Variants in FHIP1A observed in about 807,000 individuals in gnomAD.
FHIP1A encodes the protein FHF complex subunit HOOK interacting protein 1A.
A neutral mutation model predicts 88.6 loss-of-function variants in FHIP1A; 61 were observed. The ratio of observed to expected loss-of-function variants is 0.69; its 90% CI spans 0.56 to 0.85. The LOEUF (loss-of-function observed/expected upper bound fraction) is 0.85. Among genes scored for constraint, FHIP1A ranks in the 40% least tolerant of loss-of-function variants. The probability of loss-of-function intolerance (pLI) is 0.00; values close to 1 mark genes in which losing one functional copy is unlikely to be tolerated. For synonymous variants in FHIP1A, 478 were observed against 496.0 expected, an observed-to-expected ratio of 0.96 and a Z score of 0.48; for missense variants, 1,154 against 1,273.5, an observed-to-expected ratio of 0.91 and a Z score of 1.43.
At chr4:151,441,675 G>T (rs1247602982) in intron 1 of FHIP1A, among the ~76,000 whole-genome samples, 2 of 152,216 alleles carry the variant, frequency 1.3e-5, no homozygotes, top group South Asian at 2.1e-4. Flanking sequence ...TTTGATTCTG[G>T]TTATCCAGCC....
rs1737532279 is a variant in FHIP1A, at chr4:151,663,024, T to G, written c.*270T>G. On this transcript the variant is annotated 3_prime_UTR_variant, in exon 14 of 14. Transcript: ENST00000435205. ...TTTTTCCTCCTTATATTTTTTTGGTTGTCATTCTCCTATCCCTTTGAGTTA... is the reference window on the plus strand; with the variant it reads ...TTTTTCCTCCTTATATTTTTTTGGTGGTCATTCTCCTATCCCTTTGAGTTA... 6.1e-6 allele frequency: 2 copies of G among 325,796 alleles called. No homozygotes were observed. The highest frequency in any genetic ancestry group is 4.3e-5 in the African/African-American group (2 of 46,464). The allele number at this position is 325,796 out of a possible 1,614,324, so 20.2% of individuals were successfully genotyped here.
At chr4:151,547,672 T>C (rs1014514838) in intron 3 of FHIP1A, among the ~76,000 whole-genome samples, 1 of 152,098 alleles carries the variant, frequency 6.6e-6, no homozygotes, top group Non-Finnish European at 1.5e-5. Flanking sequence ...CCAGCACTTT[T>C]GGAGGCCAAG....
chr4:151,427,125 A>AT (rs533600008), intron 1 of FHIP1A, among the ~76,000 whole-genome samples: 5 of 151,450 alleles, frequency 3.3e-5, no homozygotes, highest in Non-Finnish European at 5.9e-5. Flanking sequence ...TACCTTAATG[A>AT]TTTTTTTTTA....
chr4:151,540,029 G>A (rs774038599), intron 3 of FHIP1A, among the ~76,000 whole-genome samples: 2 of 152,154 alleles, frequency 1.3e-5, no homozygotes, highest in Non-Finnish European at 2.9e-5. Context: ...GGGAAGTTAG[G>A]TTTATGCAAG....
intron 7 of FHIP1A, among the ~76,000 whole-genome samples, chr4:151,590,897 T>C (rs1353021019): frequency 6.6e-6 from 1 of 152,198 alleles, no homozygotes; most frequent in Non-Finnish European, 1.5e-5. Context: ...AAAGAGTCAA[T>C]GCTGAATATG....
intron 1 of FHIP1A, among the ~76,000 whole-genome samples, chr4:151,441,462 T>C (rs1561496030): frequency 2.0e-5 from 3 of 152,170 alleles, no homozygotes; most frequent in African/African-American, 4.8e-5. Context: ...TGTGTGTGTG[T>C]ATACATATGT....
At chr4:151,624,213 A>T (rs960560842) in intron 7 of FHIP1A, among the ~76,000 whole-genome samples, 1 of 152,236 alleles carries the variant, frequency 6.6e-6, no homozygotes, top group African/African-American at 2.4e-5. Context: ...CAAATCCCAG[A>T]TACTAAAGTT....
chr4:151,488,047 C>T (rs895036225), intron 3 of FHIP1A, among the ~76,000 whole-genome samples: 3 of 152,170 alleles, frequency 2.0e-5, no homozygotes, highest in African/African-American at 7.2e-5. Context: ...TGGTCCAGAC[C>T]TTCATCATCT....
intron 5 of FHIP1A, among the ~76,000 whole-genome samples, chr4:151,582,089 A>T (rs557092694): frequency 3.9e-5 from 6 of 152,188 alleles, no homozygotes; most frequent in Non-Finnish European, 8.8e-5. Flanking sequence ...AACAGTGTGT[A>T]CATAAATCAA....
At chr4:151,555,707 A>G (rs939997806) in intron 3 of FHIP1A, among the ~76,000 whole-genome samples, 2 of 152,164 alleles carry the variant, frequency 1.3e-5, no homozygotes, top group African/African-American at 4.8e-5. Flanking sequence ...TGTTGTAGGT[A>G]GTTTAACCCA....
chr4:151,527,881 A>G (rs771852668), intron 3 of FHIP1A, among the ~76,000 whole-genome samples: 24 of 148,354 alleles, frequency 1.6e-4, no homozygotes, highest in Non-Finnish European at 3.0e-4. Flanking sequence ...AAAACCACTC[A>G]ATGAAGTTGG....
intron 3 of FHIP1A, among the ~76,000 whole-genome samples, chr4:151,527,030 A>G (rs897288401): frequency 2.0e-4 from 29 of 146,648 alleles, no homozygotes; most frequent in African/African-American, 6.9e-4. Flanking sequence ...GACACTCCTC[A>G]CTTTCCAGAC....
chr4:151,422,543 C>T (rs1011853780), intron 1 of FHIP1A, among the ~76,000 whole-genome samples: 8 of 152,204 alleles, frequency 5.3e-5, no homozygotes, highest in African/African-American at 1.2e-4. Context: ...CAAGCCACCA[C>T]GTCCAGCTAA....
intron 3 of FHIP1A, among the ~76,000 whole-genome samples, chr4:151,515,723 C>G (rs1328373807): frequency 6.6e-6 from 1 of 151,704 alleles, no homozygotes; most frequent in Admixed American, 6.6e-5. Context: ...AATAAAATAC[C>G]TAGGAATCCA....
intron 3 of FHIP1A, among the ~76,000 whole-genome samples, chr4:151,490,992 AT>A (rs929067005): frequency 3.3e-5 from 5 of 151,942 alleles, no homozygotes; most frequent in Admixed American, 2.0e-4. Flanking sequence ...TAAATTTGAG[AT>A]TATGTTAAAT....
chr4:151,477,418 A>C (rs369671447), intron 2 of FHIP1A, among the ~76,000 whole-genome samples: 1 of 152,170 alleles, frequency 6.6e-6, no homozygotes, highest in Non-Finnish European at 1.5e-5. Flanking sequence ...GTAGAATAAC[A>C]TGGGAAAGTT....
At chr4:151,578,618 G>A (rs1295276228) in intron 5 of FHIP1A, among the ~76,000 whole-genome samples, 1 of 152,166 alleles carries the variant, frequency 6.6e-6, no homozygotes, top group East Asian at 1.9e-4. Flanking sequence ...AAGATGTGGA[G>A]GAGTAGAAAC....
chr4:151,527,224 C>T (rs944294985), intron 3 of FHIP1A, among the ~76,000 whole-genome samples: 1 of 152,220 alleles, frequency 6.6e-6, no homozygotes, highest in African/African-American at 2.4e-5. Flanking sequence ...TGCACTCCAG[C>T]CTGGGCACCA....
At chr4:151,559,573 C>T (rs964864234) in intron 3 of FHIP1A, among the ~76,000 whole-genome samples, 1 of 152,166 alleles carries the variant, frequency 6.6e-6, no homozygotes, top group Non-Finnish European at 1.5e-5. Context: ...TATATTTTGG[C>T]AGCCTTATCC....
Sources: allele counts gnomAD v4.1 joint callset (sites outside exome capture counted in the v4.1 genomes callset), GRCh38; gene constraint gnomAD v4.1.1; transcripts MANE v1.5; gene names NCBI Gene and HGNC (gene_info 2026-07-23, HGNC 2026-07-21).